UBE4B: variants seen among roughly 807,000 people sequenced by gnomAD.
UBE4B encodes the protein ubiquitin conjugation factor E4 B.
Under a neutral mutation model 148.1 loss-of-function variants are expected in UBE4B, and 27 were observed. The ratio of observed to expected loss-of-function variants is 0.18; its 90% CI spans 0.13 to 0.25. The LOEUF is 0.25. UBE4B is among the 10% of genes least tolerant of loss of function. The pLI, the probability that UBE4B is intolerant of heterozygous loss-of-function variation, is 1.00. For synonymous variants in UBE4B, 596 were observed against 619.3 expected (o/e 0.96, Z 0.56); for missense variants, 1,170 against 1,662.4 (o/e 0.70, Z 5.15).
intron 2 of UBE4B, among the ~76,000 whole-genome samples, chr1:10,076,536 G>T (rs1309363803): frequency 6.6e-6 from 1 of 151,876 alleles, no homozygotes; most frequent in African/African-American, 2.4e-5. Flanking sequence ...GAGCTACCAC[G>T]CCTGGCCAAG....
chr1:10,035,353 A>G (rs1325156957), intron 1 of UBE4B, among the ~76,000 whole-genome samples: 1 of 132,660 alleles, frequency 7.5e-6, no homozygotes, highest in Non-Finnish European at 1.6e-5. Flanking sequence ...ATTAATGTTA[A>G]TTCTAGTGAG....
intron 27 of UBE4B, 132 bp from the exon 28 acceptor site, chr1:10,179,763 T>A: frequency 7.3e-7 from 1 of 1,368,638 alleles, no homozygotes; most frequent in Non-Finnish European, 1.0e-6. Context: ...CATGTCCCAG[T>A]CCTTCTGGAG....
In UBE4B at chr1:10,174,373, A is replaced by G. The variant is rs139915809; in HGVS notation, c.3525+3044A>G. ...GCACCGCTGCATTCCAGCCTGGGTG[A>G]CAGAGCAAGACTCCATATCAAAAAA... On this transcript the variant is annotated intron_variant, in intron 25 of 27. Transcript: ENST00000343090. 7.3e-3 allele frequency among the ~76,000 whole-genome samples: 1,079 copies of G among 148,562 alleles called. 13 individuals carry two copies. Among genetic ancestry groups the G allele is most frequent in the African/African-American group, 0.025 (1,016 of 40,016 alleles).
intron 2 of UBE4B, among the ~76,000 whole-genome samples, chr1:10,087,430 C>G (rs1470838392): frequency 1.3e-5 from 2 of 152,144 alleles, no homozygotes; most frequent in Non-Finnish European, 2.9e-5. Context: ...AAGGGATTAG[C>G]CTGGATATGA....
chr1:10,044,601 G>A (rs1407004127), intron 1 of UBE4B, among the ~76,000 whole-genome samples: 6 of 148,186 alleles, frequency 4.0e-5, no homozygotes, highest in Admixed American at 6.8e-5. Flanking sequence ...TCCTTCCACC[G>A]CCCGCCTGTC....
chr1:10,159,834 A>G lies in UBE4B; in HGVS notation c.3054-1308A>G, dbSNP rs543809853. ...TACCAGTGGAATAACTATTTGCCAGATAGATTTCTGTGAAGCAAACTTTTT... is the reference window on the plus strand; with the variant it reads ...TACCAGTGGAATAACTATTTGCCAGGTAGATTTCTGTGAAGCAAACTTTTT... On this transcript the variant is annotated intron_variant, in intron 22 of 27. Transcript: ENST00000343090. 1.6e-3 allele frequency among the ~76,000 whole-genome samples: 246 copies of G among 152,370 alleles called. 1 individual carries two copies. The highest frequency in any genetic ancestry group is 5.5e-3 in the African/African-American group (228 of 41,584).
intron 1 of UBE4B, among the ~76,000 whole-genome samples, chr1:10,041,483 CGCCA>C (rs1643761862): frequency 6.6e-6 from 1 of 150,946 alleles, no homozygotes; most frequent in Non-Finnish European, 1.5e-5. Context: ...TACAGGCTCC[CGCCA>C]GCATGCCCAG....
chr1:10,134,019 C>T (rs1212039556), intron 15 of UBE4B, among the ~76,000 whole-genome samples: 1 of 150,780 alleles, frequency 6.6e-6, no homozygotes, highest in Non-Finnish European at 1.5e-5. Flanking sequence ...CACTGCACTA[C>T]AGCCTGGGCA....
intron 17 of UBE4B, among the ~76,000 whole-genome samples, chr1:10,139,400 A>G (rs1353914838): frequency 6.6e-6 from 1 of 152,114 alleles, no homozygotes; most frequent in Admixed American, 6.6e-5. Context: ...ACAAAAGAAA[A>G]AAAAAAAGAA....
chr1:10,054,177 G>T (rs1025241462), intron 1 of UBE4B, among the ~76,000 whole-genome samples: 2 of 151,614 alleles, frequency 1.3e-5, no homozygotes, highest in African/African-American at 4.8e-5. Context: ...GATTTAGAGG[G>T]ACTATCTTCA....
intron 2 of UBE4B, among the ~76,000 whole-genome samples, chr1:10,074,681 A>G (rs1478664281): frequency 6.6e-6 from 1 of 152,010 alleles, no homozygotes; most frequent in African/African-American, 2.4e-5. Context: ...AGAACAGCAC[A>G]TTCTCCTGGT....
intron 2 of UBE4B, among the ~76,000 whole-genome samples, chr1:10,089,986 T>G (rs941262419): frequency 4.6e-5 from 7 of 152,304 alleles, no homozygotes; most frequent in Admixed American, 4.6e-4. Context: ...TGAGCCACCA[T>G]GCCTGGTTGC....
At chr1:10,054,783 CTTTTT>C (rs1249879519) in intron 1 of UBE4B, 6 of 125,550 alleles carry the variant, frequency 4.8e-5, no homozygotes, top group South Asian at 2.4e-4. Flanking sequence ...TATCTTTCTC[CTTTTT>C]TTTTTTTTTT....
chr1:10,089,105 C>G (rs1644807895), intron 2 of UBE4B, among the ~76,000 whole-genome samples: 3 of 152,186 alleles, frequency 2.0e-5, no homozygotes, highest in African/African-American at 7.2e-5. Context: ...CTCCCAGGTT[C>G]CAGTGATTCT....
At chr1:10,124,302 T>C (rs1485635858) in intron 10 of UBE4B, among the ~76,000 whole-genome samples, 1 of 152,114 alleles carries the variant, frequency 6.6e-6, no homozygotes, top group African/African-American at 2.4e-5. Flanking sequence ...GCTGGGATTA[T>C]AGGAGCGTAC....
intron 1 of UBE4B, among the ~76,000 whole-genome samples, chr1:10,035,204 G>A (rs1443788285): frequency 3.3e-5 from 5 of 150,780 alleles, no homozygotes; most frequent in Non-Finnish European, 5.9e-5. Context: ...TCACCATGTT[G>A]GCCAGGATGG....
At chr1:10,137,336 T>G (rs1570959826) in intron 17 of UBE4B, 131 bp downstream of exon 17, 10 of 1,146,068 alleles carry the variant, frequency 8.7e-6, no homozygotes, top group Non-Finnish European at 1.1e-5. Flanking sequence ...TCTGTCTGCC[T>G]CCACCGCCAC....
intron 1 of UBE4B, among the ~76,000 whole-genome samples, chr1:10,064,150 C>A (rs1202114898): frequency 6.6e-6 from 1 of 152,142 alleles, no homozygotes; most frequent in East Asian, 1.9e-4. Flanking sequence ...CTCCCAATCT[C>A]TGCCGGCGCT....
At chr1:10,155,933 G>A (rs1395188648) in intron 21 of UBE4B, among the ~76,000 whole-genome samples, 1 of 151,866 alleles carries the variant, frequency 6.6e-6, no homozygotes, top group Non-Finnish European at 1.5e-5. Context: ...CTGAGGCTGG[G>A]GAATTGCTTG....
Sources: allele counts gnomAD v4.1 joint callset (sites outside exome capture counted in the v4.1 genomes callset), GRCh38; gene constraint gnomAD v4.1.1; transcripts MANE v1.5; gene names NCBI Gene and HGNC (gene_info 2026-07-23, HGNC 2026-07-21).